Variants in ASAP2 observed in about 807,000 individuals in gnomAD.
The protein encoded by ASAP2 is arf-GAP with SH3 domain, ANK repeat and PH domain-containing protein 2.
In ASAP2, 45 loss-of-function variants were observed where a neutral mutation model predicts 131.4. The ratio of observed to expected loss-of-function variants is 0.34; its 90% CI spans 0.27 to 0.44. ASAP2 has a LOEUF of 0.44. ASAP2 is among the 20% of genes least tolerant of loss of function. The probability of loss-of-function intolerance (pLI) is 1.00; values close to 1 mark genes in which losing one functional copy is unlikely to be tolerated. For missense variants in ASAP2, 1,011 were observed against 1,297.0 expected, an observed-to-expected ratio of 0.78 and a Z score of 3.39; for synonymous variants, 510 against 503.0, an observed-to-expected ratio of 1.01 and a Z score of -0.19.
Position 9,316,950 on chromosome 2 carries a change from C to A in ASAP2, c.346-1574C>A, listed in dbSNP as rs539406306. On this transcript the variant is annotated intron_variant, in intron 3 of 27. Coordinates refer to ENST00000281419, the MANE Select transcript of ASAP2 (RefSeq NM_003887.3). ...CCTCACAATCACACCCTCACTCTCACACCCTCCCACACACCCCCCGTCACA... is the reference window on the plus strand; with the variant it reads ...CCTCACAATCACACCCTCACTCTCAAACCCTCCCACACACCCCCCGTCACA... Among the ~76,000 whole-genome samples, 96 of 119,994 alleles carry A rather than the reference C, an allele frequency of 8.0e-4. 1 individual carries two copies. Among genetic ancestry groups the A allele is most frequent in the African/African-American group, 2.1e-3 (66 of 30,900 alleles). The allele number at this position is 119,994 out of a possible 152,430, so 78.7% of individuals were successfully genotyped here.
intron 1 of ASAP2, 95 bp from the exon 2 acceptor site, chr2:9,279,222 G>C: frequency 8.4e-7 from 1 of 1,197,260 alleles, no homozygotes; most frequent in South Asian, 1.3e-5. Flanking sequence ...CTAGGGACCT[G>C]GCAGAGGCAA....
intron 3 of ASAP2, among the ~76,000 whole-genome samples, chr2:9,298,777 A>G (rs1177012844): frequency 5.9e-5 from 9 of 152,162 alleles, no homozygotes; most frequent in Non-Finnish European, 8.8e-5. Context: ...CTCTCCCCGC[A>G]CCTGGGTGGA....
chr2:9,284,120 T>G (rs1274501152), intron 2 of ASAP2, among the ~76,000 whole-genome samples: 1 of 152,238 alleles, frequency 6.6e-6, no homozygotes, highest in Non-Finnish European at 1.5e-5. Flanking sequence ...CAACTGTATT[T>G]CATCCACAAT....
At position 9,268,801 on chromosome 2, in the gene ASAP2, C is replaced by T. The variant is rs1051610848; in HGVS notation, c.127-10516C>T. Among the ~76,000 whole-genome samples, 2 of 152,204 alleles carry T rather than the reference C, an allele frequency of 1.3e-5. No homozygotes were observed. The highest frequency in any genetic ancestry group is 6.5e-5 in the Admixed American group (1 of 15,284). On this transcript the variant is annotated intron_variant, in intron 1 of 27. Transcript: ENST00000281419. The surrounding 1 kb of genome is among the most constrained non-coding windows in gnomAD (Gnocchi z 4.1). ...GGGGAGAGGAGATAGGACGGGAGAG[C>T]GGAGCATGCTAGGGCTGCCTGAGTG...
chr2:9,318,431 C>A (rs1211974211), intron 3 of ASAP2, 93 bp from the exon 4 acceptor site: 3 of 903,740 alleles, frequency 3.3e-6, no homozygotes, highest in South Asian at 1.4e-5. Context: ...GGAGGTGAAT[C>A]ATTATCAAAT....
At chr2:9,315,686 C>T (rs1669620801) in intron 3 of ASAP2, among the ~76,000 whole-genome samples, 1 of 152,086 alleles carries the variant, frequency 6.6e-6, no homozygotes, top group South Asian at 2.1e-4. Flanking sequence ...GAAATCTAGG[C>T]GTGCTTGCTG....
intron 1 of ASAP2, among the ~76,000 whole-genome samples, chr2:9,214,099 A>G (rs1661804269): frequency 6.6e-6 from 1 of 152,110 alleles, no homozygotes; most frequent in African/African-American, 2.4e-5. Flanking sequence ...AGCTCCCCAA[A>G]CACTCCTCTT....
At chr2:9,318,331 A>G (rs3811599) in intron 3 of ASAP2, among the ~76,000 whole-genome samples, 193 bp from the exon 4 acceptor site, 44,726 of 152,104 alleles carry the variant, frequency 0.29, 6,959 homozygotes, top group Non-Finnish European at 0.36. Flanking sequence ...TAGACTTTTC[A>G]TTAGCCCTCT....
chr2:9,362,162 G>T (rs1024491369), intron 15 of ASAP2, among the ~76,000 whole-genome samples: 31 of 152,202 alleles, frequency 2.0e-4, no homozygotes, highest in African/African-American at 7.5e-4. Flanking sequence ...CTGGTTGTCT[G>T]TTCTTACGAA....
At chr2:9,277,113 C>G (rs1666809440) in intron 1 of ASAP2, among the ~76,000 whole-genome samples, 1 of 152,238 alleles carries the variant, frequency 6.6e-6, no homozygotes, top group South Asian at 2.1e-4. Flanking sequence ...ATCAAATGTG[C>G]TTTTCAAGAA....
intron 1 of ASAP2, among the ~76,000 whole-genome samples, chr2:9,212,979 G>GAC (rs1235128039): frequency 6.6e-6 from 1 of 152,212 alleles, no homozygotes; most frequent in Non-Finnish European, 1.5e-5. Context: ...CTAAAATTCT[G>GAC]ACTTAAATTA....
At chr2:9,344,443 C>T (rs1558350117) in intron 9 of ASAP2, 89 bp from the exon 10 acceptor site, 7 of 1,034,130 alleles carry the variant, frequency 6.8e-6, no homozygotes, top group Non-Finnish European at 9.9e-6. Context: ...AAAAAAAAAA[C>T]ACATTAGGCA....
chr2:9,377,923 T>C lies in ASAP2; in HGVS notation c.1832+930T>C, dbSNP rs534173734. 1.6e-3 allele frequency among the ~76,000 whole-genome samples: 241 copies of C among 152,186 alleles called. 1 individual carries two copies. Among genetic ancestry groups the C allele is most frequent in the Middle Eastern group, 0.014 (4 of 294 alleles). On this transcript the variant is annotated intron_variant, in intron 18 of 27. Coordinates refer to ENST00000281419, the MANE Select transcript of ASAP2 (RefSeq NM_003887.3). ...CCCCATCTCTGAGTGCCAGCCCGGCTCCTAGAACGCAGCAGGGGTTTCGTA... is the reference window on the plus strand; with the variant it reads ...CCCCATCTCTGAGTGCCAGCCCGGCCCCTAGAACGCAGCAGGGGTTTCGTA...
intron 2 of ASAP2, among the ~76,000 whole-genome samples, chr2:9,280,822 C>T (rs1459621263): frequency 1.3e-5 from 2 of 152,242 alleles, no homozygotes; most frequent in South Asian, 2.1e-4. Flanking sequence ...TTTTTGAACA[C>T]TTACTGTGTA....
At chr2:9,328,588 G>A (rs1025921924) in intron 7 of ASAP2, among the ~76,000 whole-genome samples, 5 of 152,366 alleles carry the variant, frequency 3.3e-5, no homozygotes, top group Middle Eastern at 3.4e-3. Flanking sequence ...GAAGATGTTA[G>A]TAGAGGAGAA....
intron 5 of ASAP2, among the ~76,000 whole-genome samples, chr2:9,322,340 G>A (rs1168754476): frequency 2.0e-5 from 3 of 152,196 alleles, no homozygotes; most frequent in African/African-American, 7.2e-5. Flanking sequence ...GGATGCCTTT[G>A]AAAGAACATG....
At chr2:9,236,092 G>A (rs553908765) in intron 1 of ASAP2, among the ~76,000 whole-genome samples, 30 of 152,238 alleles carry the variant, frequency 2.0e-4, no homozygotes, top group Non-Finnish European at 3.8e-4. Flanking sequence ...GTTGAGAAAC[G>A]CTGGGTCAAA....
chr2:9,241,474 C>T (rs1250599098), intron 1 of ASAP2, among the ~76,000 whole-genome samples: 3 of 152,122 alleles, frequency 2.0e-5, no homozygotes, highest in Admixed American at 6.5e-5. Context: ...TGTGGTGGCT[C>T]ATGCCTATAA....
intron 16 of ASAP2, among the ~76,000 whole-genome samples, chr2:9,370,851 C>T (rs554051554): frequency 7.2e-5 from 11 of 152,260 alleles, no homozygotes; most frequent in South Asian, 2.1e-4. Context: ...CTGAGGGTCC[C>T]GCTTGGTGAA....
Sources: gnomAD v4.1 joint callset for allele counts (sites outside exome capture counted in the v4.1 genomes callset) on GRCh38, gnomAD v4.1.1 for gene constraint, Gnocchi (gnomAD v3.1) non-coding constraint, MANE v1.5 for transcripts, NCBI Gene and HGNC (gene_info 2026-07-23, HGNC 2026-07-21) for gene names.